GRM4: variants seen among roughly 807,000 people sequenced by gnomAD.
GRM4 encodes the protein metabotropic glutamate receptor 4.
A neutral mutation model predicts 81.7 loss-of-function variants in GRM4; 28 were observed. The observed-to-expected ratio is 0.34, with a 90% CI of 0.25 to 0.47. The LOEUF is 0.47. Among genes scored for constraint, GRM4 ranks in the 20% least tolerant of loss-of-function variants. The probability of loss-of-function intolerance (pLI) is 1.00; values close to 1 mark genes in which losing one functional copy is unlikely to be tolerated. For missense variants in GRM4, 948 were observed against 1,290.0 expected (o/e 0.73, Z 4.06); for synonymous variants, 488 against 528.8 (o/e 0.92, Z 1.06).
chr6:34,060,627 G>C lies in GRM4; in HGVS notation c.872+1266C>G, dbSNP rs1766134646. Reference sequence around the variant, plus strand: ...CCTGGAGTGAGGCACATAGCTGGGTGCGGTGTGGGAGCCTAATCTTACCAG... The same window carrying C: ...CCTGGAGTGAGGCACATAGCTGGGTCCGGTGTGGGAGCCTAATCTTACCAG... On this transcript the variant is annotated intron_variant, in intron 4 of 10. Coordinates refer to ENST00000538487, the MANE Select transcript of GRM4 (RefSeq NM_000841.4). 7 of 152,406 alleles carry C rather than the reference G, an allele frequency of 4.6e-5. No homozygotes were observed. In the South Asian group the frequency reaches 1.5e-3, roughly 32 times the overall value. The allele number at this position is 152,406 out of a possible 1,614,324, so 9.4% of individuals were successfully genotyped here.
In GRM4 at chr6:34,059,444, C is replaced by A. The variant is rs1766073768; in HGVS notation, c.873-316G>T. On this transcript the variant is annotated intron_variant, in intron 4 of 10. Coordinates refer to ENST00000538487, the MANE Select transcript of GRM4 (RefSeq NM_000841.4). This position sits in a 1 kb window ranked among gnomAD's most constrained non-coding sequence, Gnocchi z 5.7. ...CTCTCCCCTCCAGATCCACACCCGC[C>A]CCACGTCTGACTCAGGCCCCACAAC... 2.6e-6 allele frequency: 1 copy of A among 391,272 alleles called. No individual in the cohort carries two copies. Among genetic ancestry groups the A allele is most frequent in the Non-Finnish European group, 4.8e-6 (1 of 209,154 alleles). The allele number at this position is 391,272 out of a possible 1,614,324, so 24.2% of individuals were successfully genotyped here.
At chr6:34,057,367 A>G (rs1269476294) in intron 5 of GRM4, among the ~76,000 whole-genome samples, 2 of 152,224 alleles carry the variant, frequency 1.3e-5, no homozygotes, top group East Asian at 3.9e-4. Flanking sequence ...CAGCGGGGCC[A>G]CGTGGAGCTT....
intron 6 of GRM4, among the ~76,000 whole-genome samples, chr6:34,045,647 C>G (rs542283655): frequency 6.6e-6 from 1 of 152,280 alleles, no homozygotes; most frequent in African/African-American, 2.4e-5. Flanking sequence ...CTGGCCAGGC[C>G]CAACCAGGGA....
At chr6:34,142,950 C>A (rs1180405046) in intron 1 of GRM4, among the ~76,000 whole-genome samples, 1 of 151,610 alleles carries the variant, frequency 6.6e-6, no homozygotes, top group African/African-American at 2.4e-5. Context: ...CATGCTGCCA[C>A]CCCCCCACCA....
chr6:34,029,357 C>T (rs957900645), intron 9 of GRM4, among the ~76,000 whole-genome samples: 1 of 152,190 alleles, frequency 6.6e-6, no homozygotes, highest in Non-Finnish European at 1.5e-5. Flanking sequence ...TGATACCCTT[C>T]ATTTCTTCTA....
upstream of GRM4, among the ~76,000 whole-genome samples, chr6:34,149,546 G>A (rs757836053): frequency 5.3e-5 from 8 of 152,210 alleles, no homozygotes; most frequent in African/African-American, 9.7e-5. Context: ...CTAGGGCCCC[G>A]GGTTAACAAT....
intron 3 of GRM4, among the ~76,000 whole-genome samples, chr6:34,073,159 A>ACC (rs1242579620): frequency 3.6e-5 from 3 of 83,498 alleles, no homozygotes; most frequent in African/African-American, 1.5e-4. Context: ...CACCACAGAC[A>ACC]CACACCCACA....
rs560604582 is a variant in GRM4 at position 34,061,988 on chromosome 6, C to T, written c.777G>A (p.Glu259=). 14 of 1,613,944 alleles carry T rather than the reference C, an allele frequency of 8.7e-6. No homozygotes were observed. The South Asian group carries it at 1.1e-4, about 13-fold the overall frequency. Reference sequence around the variant, plus strand: ...TCTTGTCGAACTCGCCTGCCTTGGGCTCCCGTGGTATCTTCACCGACTGGG... The same window carrying T: ...TCTTGTCGAACTCGCCTGCCTTGGGTTCCCGTGGTATCTTCACCGACTGGG... ...CIAQSVKIPR[E]PKAGEFDKII... is the part of the protein sequence containing the mutation. Residue 259 remains glutamate (E), a synonymous_variant, in exon 4 of 11, where the codon GAG becomes GAA. Coordinates refer to ENST00000538487, the MANE Select transcript of GRM4 (RefSeq NM_000841.4).
intron 3 of GRM4, among the ~76,000 whole-genome samples, chr6:34,079,731 C>T (rs890042130): frequency 6.6e-6 from 1 of 152,202 alleles, no homozygotes; most frequent in Non-Finnish European, 1.5e-5. Context: ...CCCGCAACCC[C>T]TCATCCTCCA....
In GRM4 at chr6:34,136,605, C is replaced by CAT. The variant is rs3223087; in HGVS notation, c.-363-2747_-363-2746insAT. Among the ~76,000 whole-genome samples the CAT allele has an allele frequency of 2.7e-5, 4 of 148,558 alleles. No individual in the cohort carries two copies. Among genetic ancestry groups the CAT allele is most frequent in the African/African-American group, 9.8e-5 (4 of 40,644 alleles). ...ACACACACACACACACACACACACA[C>CAT]GGGGAAGGACAGATGCCATGGGGGA... On this transcript the variant is annotated intron_variant, in intron 1 of 10. Transcript: ENST00000538487. The surrounding 1 kb of genome is among the most constrained non-coding windows in gnomAD (Gnocchi z 4.1).
intron 2 of GRM4, among the ~76,000 whole-genome samples, chr6:34,124,409 G>C (rs1428844710): frequency 1.3e-5 from 2 of 152,172 alleles, no homozygotes; most frequent in African/African-American, 4.8e-5. Context: ...GCCACTCCTT[G>C]CTTTGTGATT....
chr6:34,142,801 C>A (rs1005287115), intron 1 of GRM4, among the ~76,000 whole-genome samples: 2 of 152,178 alleles, frequency 1.3e-5, no homozygotes, highest in Non-Finnish European at 2.9e-5. Context: ...GCCGCCCAGA[C>A]GCAGGTTGGG....
At chr6:34,032,204 C>T (rs758856691) in intron 9 of GRM4, among the ~76,000 whole-genome samples, 15 of 152,144 alleles carry the variant, frequency 9.9e-5, no homozygotes, top group Non-Finnish European at 1.9e-4. Flanking sequence ...ATCAACCCAT[C>T]CCCGCTTAAT....
intron 1 of GRM4, among the ~76,000 whole-genome samples, chr6:34,140,622 C>A (rs1770642067): frequency 6.6e-6 from 1 of 152,218 alleles, no homozygotes; most frequent in Admixed American, 6.5e-5. Flanking sequence ...AGGGGACCAG[C>A]CACCAGGCTC....
chr6:34,051,017 CGGCCT>C (rs1243514428), intron 6 of GRM4, among the ~76,000 whole-genome samples: 1 of 152,214 alleles, frequency 6.6e-6, no homozygotes, highest in Non-Finnish European at 1.5e-5. Context: ...AATGGAGGCA[CGGCCT>C]GGCACATAAA....
intron 2 of GRM4, among the ~76,000 whole-genome samples, chr6:34,122,045 C>T (rs558702895): frequency 2.0e-5 from 3 of 152,118 alleles, no homozygotes; most frequent in African/African-American, 7.2e-5. Context: ...ATGAGGCAGG[C>T]GGGCAAGCAG....
At position 34,036,698 on chromosome 6, in the gene GRM4, C is replaced by A; in HGVS notation, c.1507-95G>T. ...TGGTGGCACCTTGTAGCCCCACACT[C>A]AAATCACCCAGCTAGTTGGCTAAAA... On this transcript the variant is annotated intron_variant, in intron 8 of 10. Transcript: ENST00000538487. This position sits in a 1 kb window ranked among gnomAD's most constrained non-coding sequence, Gnocchi z 9.0. 3.0e-6 allele frequency: 2 copies of A among 668,660 alleles called. No homozygotes were observed. The highest frequency in any genetic ancestry group is 3.7e-5 in the South Asian group (2 of 53,470). 41.4% of individuals were successfully genotyped at this position (668,660 alleles called of 1,614,324 possible).
At chr6:34,033,652 G>T (rs116303831) in intron 9 of GRM4, among the ~76,000 whole-genome samples, 2,415 of 151,770 alleles carry the variant, frequency 0.016, 22 homozygotes, top group East Asian at 0.024. Context: ...CTCACAGCTC[G>T]CTCTTTCTTT....
intron 2 of GRM4, among the ~76,000 whole-genome samples, chr6:34,119,451 C>T (rs527719697): frequency 8.5e-5 from 13 of 152,268 alleles, no homozygotes; most frequent in East Asian, 7.7e-4. Context: ...CTACATGAGG[C>T]CAGGTCGGGA....
Sources: allele counts gnomAD v4.1 joint callset (sites outside exome capture counted in the v4.1 genomes callset), GRCh38; gene constraint gnomAD v4.1.1; non-coding constraint Gnocchi (gnomAD v3.1); transcripts MANE v1.5; gene names NCBI Gene and HGNC (gene_info 2026-07-23, HGNC 2026-07-21).